The following AP4E1 variants were observed in gnomAD, a reference collection of about 807,000 sequenced individuals.
The protein encoded by AP4E1 is adaptor related protein complex 4 subunit epsilon 1.
In AP4E1, 56 loss-of-function variants were observed where a neutral mutation model predicts 128.2. The observed-to-expected ratio is 0.44, with a 90% confidence interval of 0.35 to 0.55. AP4E1 has a LOEUF of 0.55. Ranked by LOEUF, AP4E1 falls within the 20% of genes least tolerant of loss-of-function variation. The pLI, the probability that AP4E1 is intolerant of heterozygous loss-of-function variation, is 0.00. For synonymous variants in AP4E1, 484 were observed against 473.1 expected (o/e 1.02, Z -0.30); for missense variants, 1,324 against 1,307.7 (o/e 1.01, Z -0.19).
intron 1 of AP4E1, among the ~76,000 whole-genome samples, chr15:50,909,280 G>T (rs2063535044): frequency 6.6e-6 from 1 of 152,206 alleles, no homozygotes; most frequent in African/African-American, 2.4e-5. Flanking sequence ...GATGTCAAGC[G>T]TGTGAAAATA....
At chr15:50,997,264 T>C (rs1262223455) in intron 17 of AP4E1, 62 bp from the exon 18 acceptor site, 1 of 1,369,476 alleles carries the variant, frequency 7.3e-7, no homozygotes, top group Non-Finnish European at 9.8e-7. Flanking sequence ...TATAGATGAA[T>C]GTTTAAAACT....
intron 13 of AP4E1, among the ~76,000 whole-genome samples, chr15:50,957,405 G>A (rs536748049): frequency 6.6e-6 from 1 of 152,252 alleles, no homozygotes; most frequent in Admixed American, 6.5e-5. Flanking sequence ...TATGCTGGCT[G>A]AGTCTGGGGT....
In AP4E1 at chr15:50,915,411, G is replaced by A. The variant is rs2063617944; in HGVS notation, c.223-37G>A. ...ATAGTTAAAACAATCTAAATATTCT[G>A]TTTATTTATACAGCTACTGGATATT... On this transcript the variant is annotated intron_variant, in intron 2 of 20. Coordinates refer to ENST00000261842, the MANE Select transcript of AP4E1 (RefSeq NM_007347.5). The A allele has an allele frequency of 2.5e-6, 4 of 1,595,000 alleles. No homozygotes were observed. The East Asian group carries it at 9.0e-5, about 36-fold the overall frequency.
At chr15:50,998,123 T>C (rs1291918849) in intron 18 of AP4E1, among the ~76,000 whole-genome samples, 1 of 152,206 alleles carries the variant, frequency 6.6e-6, no homozygotes, top group Non-Finnish European at 1.5e-5. Context: ...TTCTCTTTCT[T>C]CCCTAGCTCT....
intron 10 of AP4E1, among the ~76,000 whole-genome samples, chr15:50,946,987 A>G (rs1320377069): frequency 6.6e-6 from 1 of 152,196 alleles, no homozygotes; most frequent in Non-Finnish European, 1.5e-5. Context: ...CCTGGCCAAC[A>G]TGGTGAAACC....
intron 17 of AP4E1, among the ~76,000 whole-genome samples, chr15:50,995,938 A>T (rs1595581901): frequency 6.7e-6 from 1 of 149,412 alleles, no homozygotes; most frequent in East Asian, 2.0e-4. Flanking sequence ...AACAGAGAGC[A>T]TCAGTGACTT....
Position 50,915,533 on chromosome 15 carries a change from A to C in AP4E1, c.308A>C (p.Lys103Thr). Residue 103 changes from lysine (K) to threonine (T), a missense_variant, in exon 3 of 21, where the codon AAG becomes ACG. Lys to Thr is a moderately conservative substitution (Grantham distance 78). Transcript: ENST00000261842. ...TCCTTTGGCTATATTCATGCAATCA[A>C]GTTAGCCCAACAAGGAAACCTCTTA... is the stretch of plus-strand genomic sequence containing the variant. ...DASFGYIHAIKLAQQGNLLEK... is the reference protein window; with the variant it reads ...DASFGYIHAITLAQQGNLLEK... The C allele has an allele frequency of 6.2e-7, 1 of 1,613,654 alleles. No individual in the cohort carries two copies. Among genetic ancestry groups the C allele is most frequent in the Non-Finnish European group, 8.5e-7 (1 of 1,179,746 alleles).
chr15:50,934,086 C>G (rs2063873546), intron 7 of AP4E1, among the ~76,000 whole-genome samples: 1 of 151,912 alleles, frequency 6.6e-6, no homozygotes, highest in Non-Finnish European at 1.5e-5. Context: ...AATCAGTGAC[C>G]ATAATGACAT....
Position 51,002,696 on chromosome 15 carries a change from C to A in AP4E1, c.*34C>A. The A allele has an allele frequency of 6.2e-7, 1 of 1,612,308 alleles. No individual in the cohort carries two copies. Among genetic ancestry groups the A allele is most frequent in the Non-Finnish European group, 8.5e-7 (1 of 1,178,934 alleles). ...CTGCTAAATTTTACTCCATCAAGATCAATGGTTTACATAGATAAACTTATT... is the reference window on the plus strand; with the variant it reads ...CTGCTAAATTTTACTCCATCAAGATAAATGGTTTACATAGATAAACTTATT... On this transcript the variant is annotated 3_prime_UTR_variant, in exon 21 of 21. Coordinates refer to ENST00000261842, the MANE Select transcript of AP4E1 (RefSeq NM_007347.5).
At chr15:50,946,059 C>A in intron 10 of AP4E1, 1 of 705,738 alleles carries the variant, frequency 1.4e-6, no homozygotes, top group Non-Finnish European at 2.5e-6. Context: ...GAGAACTCTA[C>A]AAATTAAAGT....
intron 10 of AP4E1, among the ~76,000 whole-genome samples, chr15:50,943,042 C>T (rs1398758377): frequency 1.3e-5 from 2 of 152,024 alleles, no homozygotes; most frequent in Non-Finnish European, 2.9e-5. Context: ...TTCCTTTCCC[C>T]TCCTGCCCTC....
chr15:50,995,362 G>T lies in AP4E1; in HGVS notation c.2346+1737G>T, dbSNP rs546245421. ...TTTATATCACTTTAGAAAGGCCAAG[G>T]TTTATTATTTTTTTCACCCTTGGCT... On this transcript the variant is annotated intron_variant, in intron 17 of 20. Transcript: ENST00000261842. Among the ~76,000 whole-genome samples, 38 of 146,742 alleles carry T rather than the reference G, an allele frequency of 2.6e-4. No individual in the cohort carries two copies. The South Asian group carries it at 8.2e-3, about 32-fold the overall frequency.
intron 17 of AP4E1, among the ~76,000 whole-genome samples, chr15:50,993,906 C>T (rs1225154875): frequency 1.3e-5 from 2 of 152,176 alleles, no homozygotes; most frequent in Non-Finnish European, 2.9e-5. Context: ...ATGACCACAG[C>T]CACTCTCACC....
intron 10 of AP4E1, among the ~76,000 whole-genome samples, chr15:50,946,560 G>A (rs192508958): frequency 0.015 from 2,173 of 149,726 alleles, 62 homozygotes; most frequent in African/African-American, 0.053. Context: ...TCCTTTCAGC[G>A]TTGAAAAAAA....
chr15:50,965,086 A>G (rs898893170), intron 14 of AP4E1, among the ~76,000 whole-genome samples: 10 of 151,986 alleles, frequency 6.6e-5, no homozygotes, highest in Non-Finnish European at 1.5e-4. Flanking sequence ...GCCTTACAAG[A>G]GCTGAACAGA....
At chr15:50,961,380 C>A (rs946093961) in intron 14 of AP4E1, among the ~76,000 whole-genome samples, 1 of 151,976 alleles carries the variant, frequency 6.6e-6, no homozygotes, top group Non-Finnish European at 1.5e-5. Context: ...AAAACTGAAT[C>A]CAATAACACA....
intron 10 of AP4E1, chr15:50,944,603 G>A (rs2064032302): frequency 3.9e-6 from 1 of 255,426 alleles, no homozygotes; most frequent in Admixed American, 5.2e-5. Flanking sequence ...AAAAAATCAG[G>A]CAGTGGACAG....
Position 50,996,137 on chromosome 15 carries a change from C to CCTCAGTCTCCCGAGTA in AP4E1, c.2347-1189_2347-1188insCTCAGTCTCCCGAGTA, listed in dbSNP as rs2064869869. On this transcript the variant is annotated intron_variant, in intron 17 of 20. Transcript: ENST00000261842. ...CCGAGTAGCTGGGATTACAGGCATG[C>CCTCAGTCTCCCGAGTA]GCTACCACGCCTGGCTAATTTTTTT... Among the ~76,000 whole-genome samples the CCTCAGTCTCCCGAGTA allele has an allele frequency of 2.0e-5, 3 of 148,736 alleles. No individual in the cohort carries two copies. The South Asian group carries it at 6.4e-4, about 32-fold the overall frequency.
chr15:50,927,049 T>C (rs2063778034), intron 5 of AP4E1, among the ~76,000 whole-genome samples: 1 of 152,254 alleles, frequency 6.6e-6, no homozygotes, highest in South Asian at 2.1e-4. Context: ...CAATTAATTA[T>C]TGGAAATATT....
Sources: gnomAD v4.1 joint callset for allele counts (sites outside exome capture counted in the v4.1 genomes callset) on GRCh38, gnomAD v4.1.1 for gene constraint, MANE v1.5 for transcripts, NCBI Gene and HGNC (gene_info 2026-07-23, HGNC 2026-07-21) for gene names.